FYB2: variants seen among roughly 807,000 people sequenced by gnomAD.
FYB2 encodes the protein FYN binding protein 2, also known as FYN-binding protein 2.
FYB2 carries 103 observed loss-of-function variants against 94.1 expected under a neutral mutation model. The ratio of observed to expected loss-of-function variants is 1.09; its 90% CI spans 0.93 to 1.29. The LOEUF is 1.29. Among genes scored for constraint, FYB2 ranks in the 50% most tolerant of loss-of-function variants. The pLI is 0.00. For missense variants in FYB2, 896 were observed against 841.5 expected (o/e 1.06, Z -0.80); for synonymous variants, 293 against 287.9 (o/e 1.02, Z -0.18).
chr1:56,743,760 C>A (rs968571692), intron 11 of FYB2, among the ~76,000 whole-genome samples: 5 of 152,084 alleles, frequency 3.3e-5, no homozygotes, highest in Middle Eastern at 3.4e-3. Context: ...ATCAGACTTA[C>A]ACTGTGAAAA....
intron 4 of FYB2, among the ~76,000 whole-genome samples, chr1:56,784,988 C>A (rs1440743787): frequency 2.0e-5 from 3 of 152,158 alleles, no homozygotes; most frequent in Non-Finnish European, 4.4e-5. Context: ...ATCTCTTTTG[C>A]CTGTCACTCT....
intron 4 of FYB2, among the ~76,000 whole-genome samples, chr1:56,786,436 TA>T (rs1646134448): frequency 6.6e-6 from 1 of 152,238 alleles, no homozygotes; most frequent in South Asian, 2.1e-4. Flanking sequence ...TTTACCATTG[TA>T]AACATTTGAT....
At chr1:56,760,721 A>G (rs184567627) in intron 5 of FYB2, among the ~76,000 whole-genome samples, 1 of 152,268 alleles carries the variant, frequency 6.6e-6, no homozygotes, top group African/African-American at 2.4e-5. Context: ...AAATGATGAA[A>G]CCAAAGCCAG....
At chr1:56,720,371 G>T in intron 17 of FYB2, 42 bp from the exon 18 acceptor site, 2 of 1,514,118 alleles carry the variant, frequency 1.3e-6, no homozygotes, top group Non-Finnish European at 1.8e-6. Context: ...TTGCATAGTT[G>T]TTATTTTTCA....
At chr1:56,793,157 T>C (rs938656899) in intron 1 of FYB2, among the ~76,000 whole-genome samples, 6 of 152,078 alleles carry the variant, frequency 3.9e-5, no homozygotes, top group African/African-American at 1.4e-4. Context: ...TAAAAATAAA[T>C]TCCAAACTGC....
intron 9 of FYB2, among the ~76,000 whole-genome samples, chr1:56,745,446 T>C (rs12137030): frequency 0.34 from 52,222 of 151,850 alleles, 9,646 homozygotes; most frequent in African/African-American, 0.48. Flanking sequence ...TTCCATCCTT[T>C]ATGTTGCTCA....
At chr1:56,743,692 G>T (rs902399332) in intron 11 of FYB2, among the ~76,000 whole-genome samples, 2 of 152,008 alleles carry the variant, frequency 1.3e-5, no homozygotes, top group Non-Finnish European at 2.9e-5. Flanking sequence ...CATGTCAGAA[G>T]CCAATCTTAA....
At chr1:56,757,957 TTTG>T (rs1301599000) in intron 6 of FYB2, among the ~76,000 whole-genome samples, 9 of 144,152 alleles carry the variant, frequency 6.2e-5, no homozygotes, top group African/African-American at 2.4e-4. Context: ...TTTTTTTTTT[TTTG>T]TAGGGACAGT....
chr1:56,760,425 T>A (rs1645464178), intron 5 of FYB2, among the ~76,000 whole-genome samples: 1 of 152,180 alleles, frequency 6.6e-6, no homozygotes. Flanking sequence ...AGACCTAAAA[T>A]TCTACATGGA....
intron 15 of FYB2, among the ~76,000 whole-genome samples, chr1:56,730,630 T>C (rs1237643999): frequency 6.6e-6 from 1 of 151,914 alleles, no homozygotes; most frequent in Non-Finnish European, 1.5e-5. Context: ...AGTGATGAGA[T>C]TGAATCAGTA....
chr1:56,783,785 C>T (rs1557644971), intron 4 of FYB2, among the ~76,000 whole-genome samples: 1 of 152,022 alleles, frequency 6.6e-6, no homozygotes, highest in African/African-American at 2.4e-5. Flanking sequence ...AGTGGATGCT[C>T]AATAAATACA....
chr1:56,825,432 C>T, the FYB2 span, among the ~76,000 whole-genome samples: 1 of 152,162 alleles, frequency 6.6e-6, no homozygotes, highest in South Asian at 2.1e-4. Context: ...CTTCCACCTG[C>T]ATCCTGCCCA....
chr1:56,752,935 C>T (rs994323374), intron 8 of FYB2, among the ~76,000 whole-genome samples: 5 of 152,112 alleles, frequency 3.3e-5, no homozygotes, highest in Admixed American at 1.3e-4. Context: ...GATGGCTTGG[C>T]TTTCACACCC....
rs373593677 is a variant in FYB2, at chr1:56,726,511, A to G, written c.1866T>C (p.Ala622=). The change falls in exon 16 of 20, where the codon GCT becomes GCC. Residue 622 remains alanine, a synonymous_variant. Coordinates refer to ENST00000343433, the MANE Select transcript of FYB2 (RefSeq NM_001004303.5). ...TGTGTTCCCACCTTTCTGATTCTTC[A>G]GCACCGTTTTTCTCTTTTTTTTCCT... ...TPKEKKEKNG[A]EESESFSPRN... 4 of 1,611,922 alleles carry G rather than the reference A, an allele frequency of 2.5e-6. No homozygotes were observed. In the African/African-American group the frequency reaches 5.3e-5, roughly 22 times the overall value.
intron 1 of FYB2, among the ~76,000 whole-genome samples, chr1:56,801,336 T>G (rs1646514165): frequency 6.6e-6 from 1 of 152,172 alleles, no homozygotes; most frequent in African/African-American, 2.4e-5. Context: ...GACCAACTCC[T>G]GCAAAGGGCA....
At position 56,803,363 on chromosome 1, in the gene FYB2, G is replaced by A. The variant is rs568784040; in HGVS notation, c.10-10560C>T. Among the ~76,000 whole-genome samples the A allele has an allele frequency of 8.5e-5, 13 of 152,320 alleles. 1 individual carries two copies. In the South Asian group the frequency reaches 2.7e-3, roughly 32 times the overall value. ...TCAGAGCTTATTGGATTTTGGAATT[G>A]TGGGTAACGAGATCATGAACTTTTC... On this transcript the variant is annotated intron_variant, in intron 1 of 19. Transcript: ENST00000343433.
intron 15 of FYB2, among the ~76,000 whole-genome samples, chr1:56,734,433 A>T (rs1335459992): frequency 6.6e-6 from 1 of 152,124 alleles, no homozygotes; most frequent in Non-Finnish European, 1.5e-5. Context: ...TCAATGATAG[A>T]CTGGATTAAG....
chr1:56,743,771 G>C (rs900382282), intron 11 of FYB2, among the ~76,000 whole-genome samples: 1 of 151,978 alleles, frequency 6.6e-6, no homozygotes, highest in African/African-American at 2.4e-5. Flanking sequence ...ACTGTGAAAA[G>C]ATCAGGAAGG....
upstream of FYB2, among the ~76,000 whole-genome samples, chr1:56,821,942 C>A (rs546594823): frequency 1.3e-5 from 2 of 152,182 alleles, no homozygotes; most frequent in African/African-American, 2.4e-5. Flanking sequence ...GATATCACTA[C>A]ACCTTATGAA....
Sources: allele counts gnomAD v4.1 joint callset (sites outside exome capture counted in the v4.1 genomes callset), GRCh38; gene constraint gnomAD v4.1.1; transcripts MANE v1.5; gene names NCBI Gene and HGNC (gene_info 2026-07-23, HGNC 2026-07-21).